Variants in GNG2 observed in about 807,000 individuals in gnomAD.
GNG2 encodes the protein G protein subunit gamma 2.
Under a neutral mutation model 5.5 loss-of-function variants are expected in GNG2, and 5 were observed. The observed-to-expected ratio is 0.91, with a 90% CI of 0.48 to 1.92. GNG2 has a LOEUF of 1.92. GNG2 is among the 30% of genes most tolerant of loss of function. The probability of loss-of-function intolerance (pLI) is 0.01; values close to 1 mark genes in which losing one functional copy is unlikely to be tolerated. For synonymous variants in GNG2, 28 were observed against 32.0 expected (o/e 0.88, Z 0.42); for missense variants, 55 against 88.4 (o/e 0.62, Z 1.52).
At chr14:51,833,349 G>C (rs888809085) in intron 2 of GNG2, among the ~76,000 whole-genome samples, 1 of 151,882 alleles carries the variant, frequency 6.6e-6, no homozygotes. Context: ...CTTTTTTCCA[G>C]TCCCTCTTTG....
chr14:51,836,533 A>C (rs578066525), intron 2 of GNG2, among the ~76,000 whole-genome samples: 1 of 152,312 alleles, frequency 6.6e-6, no homozygotes, highest in African/African-American at 2.4e-5. Flanking sequence ...ATGAAGTTTT[A>C]TTGTTAATTT....
intron 2 of GNG2, among the ~76,000 whole-genome samples, chr14:51,852,663 A>ATAG: frequency 6.6e-6 from 1 of 152,378 alleles, no homozygotes; most frequent in East Asian, 1.9e-4. Context: ...TGAGACTTAC[A>ATAG]ATTGTACTCT....
intron 2 of GNG2, among the ~76,000 whole-genome samples, chr14:51,850,908 C>T (rs1433355157): frequency 1.3e-5 from 2 of 152,158 alleles, no homozygotes; most frequent in Non-Finnish European, 2.9e-5. Flanking sequence ...GGGGATCCAC[C>T]CCCATGATCA....
chr14:51,868,487 G>A (rs1165581702), intron 1 of GNG2, among the ~76,000 whole-genome samples: 3 of 152,202 alleles, frequency 2.0e-5, no homozygotes, highest in African/African-American at 7.2e-5. Flanking sequence ...GTGGGACTGT[G>A]CCTATGCTGG....
rs149679838 is a variant in GNG2 at position 51,904,888 on chromosome 14, G to A, written c.-30+27231G>A. On this transcript the variant is annotated intron_variant, in intron 2 of 3. Transcript: ENST00000556766. ...ATATATGAGACATCTTCAAACAGTC[G>A]CTACGTCTGCCTGATTGCCCAGTCA... Among the ~76,000 whole-genome samples the A allele has an allele frequency of 2.4e-3, 371 of 152,306 alleles. 1 individual carries two copies. Among genetic ancestry groups the A allele is most frequent in the African/African-American group, 7.9e-3 (329 of 41,562 alleles).
intron 2 of GNG2, chr14:51,913,032 G>A (rs1055130546): frequency 4.6e-5 from 7 of 152,176 alleles, no homozygotes; most frequent in Non-Finnish European, 8.8e-5. Flanking sequence ...AAGTGTTCAG[G>A]AATGAAGTCT....
intron 2 of GNG2, among the ~76,000 whole-genome samples, chr14:51,895,032 A>T (rs1594887000): frequency 8.8e-6 from 1 of 113,890 alleles, no homozygotes; most frequent in Non-Finnish European, 2.1e-5. Context: ...TAACAAAACT[A>T]TAAAAGAATA....
At chr14:51,834,261 A>G (rs1881275543) in intron 2 of GNG2, among the ~76,000 whole-genome samples, 1 of 152,208 alleles carries the variant, frequency 6.6e-6, no homozygotes, top group African/African-American at 2.4e-5. Context: ...TTACCTATAC[A>G]TTGAAGTTCC....
At chr14:51,842,619 A>G (rs1448072509) in intron 2 of GNG2, among the ~76,000 whole-genome samples, 1 of 152,064 alleles carries the variant, frequency 6.6e-6, no homozygotes, top group African/African-American at 2.4e-5. Flanking sequence ...ATGTTACCAC[A>G]AATGGCCTGT....
At chr14:51,854,563 G>A (rs1435408123) in intron 2 of GNG2, among the ~76,000 whole-genome samples, 1 of 152,042 alleles carries the variant, frequency 6.6e-6, no homozygotes, top group Non-Finnish European at 1.5e-5. Flanking sequence ...AGGCTGGAGT[G>A]CAGTGGTGCT....
intron 2 of GNG2, among the ~76,000 whole-genome samples, chr14:51,949,304 G>A (rs542060762): frequency 2.6e-5 from 4 of 152,128 alleles, no homozygotes; most frequent in African/African-American, 7.2e-5. Flanking sequence ...TGGATATCAA[G>A]AAATAACTAC....
At chr14:51,933,411 T>C (rs1887777241) in intron 2 of GNG2, among the ~76,000 whole-genome samples, 1 of 152,192 alleles carries the variant, frequency 6.6e-6, no homozygotes, top group Non-Finnish European at 1.5e-5. Context: ...GATAGGCAAC[T>C]CTTTCAAGTT....
upstream of GNG2, among the ~76,000 whole-genome samples, chr14:51,857,470 AT>A (rs1319128347): frequency 6.6e-6 from 1 of 152,198 alleles, no homozygotes; most frequent in African/African-American, 2.4e-5. Flanking sequence ...TAAGGCATAT[AT>A]CCTGTAAGCA....
chr14:51,827,839 C>A lies in GNG2; in HGVS notation c.64+32C>A, dbSNP rs763793568. The A allele has an allele frequency of 1.5e-5, 10 of 658,000 alleles. No homozygotes were observed. The South Asian group carries it at 1.7e-4, about 11-fold the overall frequency. The allele number at this position is 658,000 out of a possible 1,614,324, so 40.8% of individuals were successfully genotyped here. On this transcript the variant is annotated intron_variant, in intron 2 of 3. Coordinates refer to the GNG2 transcript ENST00000553432. ...TTCAACAAATGGTGATGGAAGGATACTGCAAAGAGGAAAACGTTGAAGTGT... is the reference window on the plus strand; with the variant it reads ...TTCAACAAATGGTGATGGAAGGATAATGCAAAGAGGAAAACGTTGAAGTGT...
intron 2 of GNG2, among the ~76,000 whole-genome samples, chr14:51,881,701 C>CTTTTTTTTT (rs58544362): frequency 9.6e-6 from 1 of 104,222 alleles, no homozygotes; most frequent in Non-Finnish European, 1.9e-5. Context: ...AGCTGGAAGA[C>CTTTTTTTTT]TTTTTTTTTT....
intron 3 of GNG2, among the ~76,000 whole-genome samples, chr14:51,957,441 T>G (rs1889338481): frequency 6.6e-6 from 1 of 152,218 alleles, no homozygotes; most frequent in Non-Finnish European, 1.5e-5. Context: ...GTCATTTTTA[T>G]TCTGGAAATA....
intron 2 of GNG2, among the ~76,000 whole-genome samples, chr14:51,945,582 A>G (rs1384642537): frequency 6.6e-6 from 1 of 152,218 alleles, no homozygotes; most frequent in African/African-American, 2.4e-5. Context: ...TTTGCAAGGT[A>G]AAAAGAGTTC....
intron 1 of GNG2, among the ~76,000 whole-genome samples, chr14:51,870,245 A>T (rs1029401710): frequency 6.6e-6 from 1 of 150,530 alleles, no homozygotes; most frequent in Non-Finnish European, 1.5e-5. Context: ...AAAAGAAAAT[A>T]TTAAGAAAAA....
In GNG2 at chr14:51,960,522, A is replaced by G. The variant is rs915154706; in HGVS notation, c.88-6037A>G. Among the ~76,000 whole-genome samples the G allele has an allele frequency of 5.9e-5, 9 of 151,744 alleles. No homozygotes were observed. In the East Asian group the frequency reaches 1.7e-3, roughly 29 times the overall value. On this transcript the variant is annotated intron_variant, in intron 3 of 3. Transcript: ENST00000556766. ...CTACATATTTGATTTGTGCCTTTTT[A>G]TATCTTCTGTATGTCTTTTTATCTT...
Sources: allele counts gnomAD v4.1 joint callset (sites outside exome capture counted in the v4.1 genomes callset), GRCh38; gene constraint gnomAD v4.1.1; transcripts MANE v1.5; gene names NCBI Gene and HGNC (gene_info 2026-07-23, HGNC 2026-07-21).